Variants in PTPRD observed in about 807,000 individuals in gnomAD.
The protein encoded by PTPRD is receptor-type tyrosine-protein phosphatase delta.
In PTPRD, 34 loss-of-function variants were observed where a neutral mutation model predicts 214.5. The observed-to-expected ratio is 0.16, with a 90% CI of 0.12 to 0.21. The LOEUF (loss-of-function observed/expected upper bound fraction) is 0.21. PTPRD is among the 10% of genes least tolerant of loss of function. PTPRD has a pLI of 1.00. For synonymous variants in PTPRD, 1,128 were observed against 845.7 expected (o/e 1.33, Z -5.79); for missense variants, 2,545 against 2,398.7 (o/e 1.06, Z -1.27).
chr9:8,394,389 A>G (rs1437967228), intron 36 of PTPRD, among the ~76,000 whole-genome samples: 1 of 152,162 alleles, frequency 6.6e-6, no homozygotes, highest in African/African-American at 2.4e-5. Context: ...TCCTAAGGGG[A>G]AGGATCATAA....
intron 3 of PTPRD, among the ~76,000 whole-genome samples, chr9:10,213,665 G>T (rs2099527323): frequency 6.6e-6 from 1 of 152,072 alleles, no homozygotes; most frequent in African/African-American, 2.4e-5. Context: ...CATTTGAAAA[G>T]AATATATGTT....
intron 2 of PTPRD, among the ~76,000 whole-genome samples, chr9:10,612,181 C>A (rs2081182297): frequency 7.3e-6 from 1 of 136,532 alleles, no homozygotes; most frequent in Non-Finnish European, 1.5e-5. Flanking sequence ...ATACTGATCC[C>A]ATATCGAAGT....
chr9:9,397,531 A>G (rs183368168), intron 8 of PTPRD, 49 bp from the exon 9 acceptor site: 1 of 152,418 alleles, frequency 6.6e-6, no homozygotes, highest in Non-Finnish European at 1.5e-5. Context: ...AAAACTACCA[A>G]AACCTTTCAA....
At chr9:9,402,966 G>GCAAAAAA (rs770003250) in intron 8 of PTPRD, among the ~76,000 whole-genome samples, 13 of 78,604 alleles carry the variant, frequency 1.7e-4, no homozygotes, top group African/African-American at 4.1e-4. Flanking sequence ...CTAATAGGGA[G>GCAAAAAA]AAAAAAAAAA....
intron 10 of PTPRD, among the ~76,000 whole-genome samples, chr9:9,150,411 A>C (rs957118421): frequency 6.7e-6 from 1 of 148,330 alleles, no homozygotes; most frequent in African/African-American, 2.4e-5. Context: ...TTGAAACTAT[A>C]TATAAAAATA....
chr9:9,713,875 G>T (rs185009045), intron 7 of PTPRD, among the ~76,000 whole-genome samples: 5 of 151,900 alleles, frequency 3.3e-5, no homozygotes, highest in Non-Finnish European at 5.9e-5. Context: ...ATTAATCATG[G>T]GATGTCTTTC....
chr9:9,211,035 C>A (rs2099948212), intron 9 of PTPRD, among the ~76,000 whole-genome samples: 1 of 151,784 alleles, frequency 6.6e-6, no homozygotes, highest in Non-Finnish European at 1.5e-5. Flanking sequence ...GCTTAAAGAG[C>A]ATTTGTTTTT....
At chr9:8,515,877 T>C (rs754864815) in intron 21 of PTPRD, among the ~76,000 whole-genome samples, 10 of 152,024 alleles carry the variant, frequency 6.6e-5, no homozygotes, top group Non-Finnish European at 8.8e-5. Flanking sequence ...AGAAAACAAA[T>C]AGAACCACTA....
chr9:10,048,600 A>G (rs1211002103), intron 3 of PTPRD, among the ~76,000 whole-genome samples: 2 of 152,058 alleles, frequency 1.3e-5, no homozygotes, highest in African/African-American at 4.8e-5. Flanking sequence ...TTAATACTCT[A>G]AAACCACTCT....
intron 2 of PTPRD, among the ~76,000 whole-genome samples, chr9:10,378,318 T>C (rs2097766288): frequency 1.3e-5 from 2 of 152,194 alleles, no homozygotes; most frequent in Non-Finnish European, 2.9e-5. Flanking sequence ...TTTAACTTAA[T>C]GTGATCCCTT....
rs564318443 is a variant in PTPRD, at chr9:8,774,527, C to CTTT, written c.-103-40584_-103-40582dup. On this transcript the variant is annotated intron_variant, in intron 11 of 45. Transcript: ENST00000381196. ...TAACCAAAATGCATGTGAAAAGTAA[C>CTTT]TTTTTTTTTTTTTTTTTTTTTTTTG... Among the ~76,000 whole-genome samples the CTTT allele has an allele frequency of 3.6e-4, 38 of 105,212 alleles. 1 individual carries two copies. The highest frequency in any genetic ancestry group is 5.9e-4 in the African/African-American group (16 of 27,342). The allele number at this position is 105,212 out of a possible 152,430, so 69.0% of individuals were successfully genotyped here. A position where few individuals can be genotyped will look rare whatever the true frequency, so the allele number is the denominator to read the frequency against.
Position 9,777,674 on chromosome 9 carries a change from G to A in PTPRD, c.-367-10823C>T, listed in dbSNP as rs541524008. Among the ~76,000 whole-genome samples the A allele has an allele frequency of 3.9e-5, 6 of 152,198 alleles. No homozygotes were observed. The South Asian group carries it at 6.2e-4, about 16-fold the overall frequency. ...ATCACATCACTGCACTGTAGTGTGC[G>A]CAACAGAGTGAGCCTCTATCTCAAC... On this transcript the variant is annotated intron_variant, in intron 5 of 45. Coordinates refer to ENST00000381196, the MANE Select transcript of PTPRD (RefSeq NM_002839.4).
chr9:8,579,155 C>T (rs1397950525), intron 14 of PTPRD, among the ~76,000 whole-genome samples: 2 of 152,122 alleles, frequency 1.3e-5, no homozygotes, highest in African/African-American at 2.4e-5. Flanking sequence ...CATCTAAAAT[C>T]AGTTGATAGA....
intron 9 of PTPRD, among the ~76,000 whole-genome samples, chr9:9,304,419 T>C (rs529996830): frequency 7.2e-5 from 11 of 152,070 alleles, no homozygotes; most frequent in Admixed American, 3.9e-4. Flanking sequence ...TTTTAATCTT[T>C]GTGCATTTGC....
intron 3 of PTPRD, among the ~76,000 whole-genome samples, chr9:10,268,935 C>G (rs1020075141): frequency 1.3e-5 from 2 of 152,182 alleles, no homozygotes; most frequent in African/African-American, 4.8e-5. Context: ...TGTAGAATGC[C>G]TGGCAGTATC....
chr9:8,473,338 T>C (rs1477163910), intron 30 of PTPRD, among the ~76,000 whole-genome samples: 2 of 152,128 alleles, frequency 1.3e-5, no homozygotes, highest in African/African-American at 4.8e-5. Context: ...ATCTTTTATG[T>C]TATGATCCAG....
At chr9:10,118,051 G>C (rs893378372) in intron 3 of PTPRD, among the ~76,000 whole-genome samples, 1 of 151,884 alleles carries the variant, frequency 6.6e-6, no homozygotes, top group African/African-American at 2.4e-5. Flanking sequence ...CTTTCTATAG[G>C]TGCAATAGTT....
intron 9 of PTPRD, among the ~76,000 whole-genome samples, chr9:9,336,530 A>G (rs2044549540): frequency 1.3e-5 from 2 of 152,116 alleles, no homozygotes; most frequent in African/African-American, 4.8e-5. Flanking sequence ...CCATATCCCT[A>G]AATGATAAAG....
At chr9:9,393,568 C>T (rs1295525102) in intron 9 of PTPRD, among the ~76,000 whole-genome samples, 1 of 152,170 alleles carries the variant, frequency 6.6e-6, no homozygotes, top group African/African-American at 2.4e-5. Context: ...AGTCAATCCA[C>T]TCTCAGCATC....
Sources: allele counts gnomAD v4.1 joint callset (sites outside exome capture counted in the v4.1 genomes callset), GRCh38; gene constraint gnomAD v4.1.1; transcripts MANE v1.5; gene names NCBI Gene and HGNC (gene_info 2026-07-23, HGNC 2026-07-21).